Variants in GDPD4 observed in about 807,000 individuals in gnomAD.
GDPD4 encodes the protein glycerophosphodiester phosphodiesterase domain containing 4, also known as glycerophosphodiester phosphodiesterase 6.
GDPD4 carries 60 observed loss-of-function variants against 67.8 expected under a neutral mutation model. The observed-to-expected ratio is 0.88, with a 90% CI of 0.72 to 1.10. GDPD4 has a LOEUF of 1.10. Ranked by LOEUF, GDPD4 falls within the 50% of genes least tolerant of loss-of-function variation. The probability of loss-of-function intolerance (pLI) is 0.00; values close to 1 mark genes in which losing one functional copy is unlikely to be tolerated. For synonymous variants in GDPD4, 212 were observed against 210.9 expected (o/e 1.00, Z -0.04); for missense variants, 623 against 613.9 (o/e 1.01, Z -0.16).
intron 16 of GDPD4, among the ~76,000 whole-genome samples, chr11:77,222,582 G>A (rs1191117749): frequency 1.3e-5 from 2 of 152,218 alleles, no homozygotes; most frequent in African/African-American, 4.8e-5. Context: ...GGCTTGTAAA[G>A]TTTCTGCTGA....
chr11:77,252,645 C>A (rs1395877239), intron 11 of GDPD4, among the ~76,000 whole-genome samples: 1 of 152,142 alleles, frequency 6.6e-6, no homozygotes, highest in Non-Finnish European at 1.5e-5. Flanking sequence ...CTCTTCTAAA[C>A]TTTCTAGAGT....
intron 1 of GDPD4, among the ~76,000 whole-genome samples, chr11:77,298,503 AT>A (rs879856507): frequency 2.0e-5 from 3 of 152,254 alleles, no homozygotes; most frequent in East Asian, 1.9e-4. Flanking sequence ...TCAAAAAAAA[AT>A]TTTTTTTAAA....
intron 16 of GDPD4, among the ~76,000 whole-genome samples, chr11:77,220,789 CCT>C (rs1464104333): frequency 2.6e-5 from 4 of 152,178 alleles, no homozygotes; most frequent in African/African-American, 7.2e-5. Flanking sequence ...AGTACCAGCT[CCT>C]CTTTGTATCT....
intron 3 of GDPD4, 140 bp downstream of exon 3, chr11:77,284,945 T>C (rs1279740319): frequency 4.5e-6 from 3 of 663,850 alleles, no homozygotes; most frequent in Non-Finnish European, 8.0e-6. Flanking sequence ...GGCAGGCCTC[T>C]CACCCAAAAG....
At chr11:77,233,212 T>G (rs566467838) in intron 13 of GDPD4, 40 bp from the exon 14 acceptor site, 3 of 1,595,706 alleles carry the variant, frequency 1.9e-6, no homozygotes, top group Non-Finnish European at 2.6e-6. Context: ...TTAGATCAAG[T>G]TTCATTCTCA....
chr11:77,222,097 T>C (rs963893517), intron 16 of GDPD4, among the ~76,000 whole-genome samples: 1 of 152,218 alleles, frequency 6.6e-6, no homozygotes, highest in Non-Finnish European at 1.5e-5. Context: ...TCCCTCCCTT[T>C]ATTTTGAGCC....
In GDPD4 at chr11:77,265,331, G is replaced by C. The variant is rs577418464; in HGVS notation, c.707+3126C>G. On this transcript the variant is annotated intron_variant, in intron 10 of 16. Transcript: ENST00000315938. ...CTCTTTGGAGGAATGCTGCTTAAAA[G>C]AAAGTGAAGACATGGAGCATAAACT... is the stretch of plus-strand genomic sequence containing the variant. Among the ~76,000 whole-genome samples the C allele has an allele frequency of 9.2e-5, 14 of 152,270 alleles. No homozygotes were observed. The South Asian group carries it at 2.9e-3, about 32-fold the overall frequency.
At position 77,280,978 on chromosome 11, in the gene GDPD4, T is replaced by G. The variant is rs112318784; in HGVS notation, c.54-1579A>C. Among the ~76,000 whole-genome samples the G allele has an allele frequency of 3.4e-3, 514 of 152,330 alleles. 1 individual carries two copies. Among genetic ancestry groups the G allele is most frequent in the African/African-American group, 0.011 (477 of 41,576 alleles). ...TACAATGCTGATGACTATGCAGAAG[T>G]CCTACTCTATGTGAATGTGTCCAAT... On this transcript the variant is annotated intron_variant, in intron 3 of 16. Coordinates refer to ENST00000315938, the MANE Select transcript of GDPD4 (RefSeq NM_182833.3).
At position 77,216,919 on chromosome 11, in the gene GDPD4, C is replaced by G; in HGVS notation, c.*358G>C. On this transcript the variant is annotated 3_prime_UTR_variant, in exon 17 of 17. Transcript: ENST00000315938. ...ATTTGGAGTATTCAGCCATGGGGAT[C>G]TCTTAGAGGTCTCTTATTTAAGGAT... 2.9e-6 allele frequency: 2 copies of G among 699,230 alleles called. No individual in the cohort carries two copies. Among genetic ancestry groups the G allele is most frequent in the Non-Finnish European group, 5.2e-6 (2 of 383,378 alleles). The allele number at this position is 699,230 out of a possible 1,614,324, so 43.3% of individuals were successfully genotyped here.
intron 11 of GDPD4, among the ~76,000 whole-genome samples, chr11:77,247,154 A>T (rs1307566728): frequency 6.6e-6 from 1 of 152,134 alleles, no homozygotes; most frequent in Non-Finnish European, 1.5e-5. Flanking sequence ...CTAGGCCAGA[A>T]GGCAGATCAT....
intron 15 of GDPD4, among the ~76,000 whole-genome samples, chr11:77,228,874 T>A (rs1397594191): frequency 6.6e-6 from 1 of 152,172 alleles, no homozygotes; most frequent in Non-Finnish European, 1.5e-5. Context: ...TGGACAATAT[T>A]CAAGCCCTGT....
rs995422566 is a variant in GDPD4, at chr11:77,269,338, G to C, written c.479-269C>G. Among the ~76,000 whole-genome samples the C allele has an allele frequency of 3.3e-5, 5 of 152,276 alleles. No homozygotes were observed. In the East Asian group the frequency reaches 9.6e-4, roughly 29 times the overall value. ...TGACAGAGGGCTCAACTGTACAGGGGACAGATGGGGAAGAAAAGGAAGGAG... is the reference window on the plus strand; with the variant it reads ...TGACAGAGGGCTCAACTGTACAGGGCACAGATGGGGAAGAAAAGGAAGGAG... On this transcript the variant is annotated intron_variant, in intron 8 of 16. Transcript: ENST00000315938.
intron 11 of GDPD4, among the ~76,000 whole-genome samples, chr11:77,254,551 T>C (rs1958966121): frequency 6.6e-6 from 1 of 152,226 alleles, no homozygotes; most frequent in Non-Finnish European, 1.5e-5. Context: ...TTTGAGTGGG[T>C]TCTGTCATCC....
intron 16 of GDPD4, among the ~76,000 whole-genome samples, chr11:77,217,586 G>A (rs1958148785): frequency 6.6e-6 from 1 of 152,206 alleles, no homozygotes; most frequent in Non-Finnish European, 1.5e-5. Flanking sequence ...TTTGCTTAAA[G>A]TTCATGTATT....
chr11:77,246,442 A>T (rs1450270195), intron 11 of GDPD4, among the ~76,000 whole-genome samples: 1 of 152,252 alleles, frequency 6.6e-6, no homozygotes, highest in Non-Finnish European at 1.5e-5. Context: ...AAAATTATTA[A>T]CGACTATATT....
intron 11 of GDPD4, among the ~76,000 whole-genome samples, chr11:77,254,578 A>G (rs1446075201): frequency 1.3e-5 from 2 of 152,158 alleles, no homozygotes; most frequent in African/African-American, 4.8e-5. Context: ...TTCCTTCATT[A>G]ATGTGATAAA....
chr11:77,238,725 C>T (rs181576309), intron 13 of GDPD4, among the ~76,000 whole-genome samples: 3 of 151,876 alleles, frequency 2.0e-5, no homozygotes, highest in Non-Finnish European at 1.5e-5. Flanking sequence ...AAGAAAAGCC[C>T]AGGACATAGT....
chr11:77,271,057 T>G (rs915667250), intron 7 of GDPD4, 73 bp downstream of exon 7: 15 of 1,046,820 alleles, frequency 1.4e-5, no homozygotes, highest in Non-Finnish European at 2.2e-5. Flanking sequence ...CAAGCTTCTG[T>G]TTTCCTGAGT....
rs374945069 is a variant in GDPD4 at position 77,217,226 on chromosome 11, C to T, written c.*51G>A. On this transcript the variant is annotated 3_prime_UTR_variant, in exon 17 of 17. Transcript: ENST00000315938. ...GTAGAGGGCTGCTAGAGTCCAAGGA[C>T]CTTCCACAACTCGGACAGGAGGTTT... 7.2e-7 allele frequency: 1 copy of T among 1,392,888 alleles called. No individual in the cohort carries two copies. The highest frequency in any genetic ancestry group is 2.3e-5 in the East Asian group (1 of 43,860). 86.3% of individuals were successfully genotyped at this position (1,392,888 alleles called of 1,614,324 possible).
Sources: allele counts gnomAD v4.1 joint callset (sites outside exome capture counted in the v4.1 genomes callset), GRCh38; gene constraint gnomAD v4.1.1; transcripts MANE v1.5; gene names NCBI Gene and HGNC (gene_info 2026-07-23, HGNC 2026-07-21).